SPDYE10: variants seen among roughly 807,000 people sequenced by gnomAD.
The protein encoded by SPDYE10 is speedy protein E10.
At chr7:73,138,145 T>C in the SPDYE10 span, among the ~76,000 whole-genome samples, 5 of 152,250 alleles carry the variant, frequency 3.3e-5, no homozygotes, top group Non-Finnish European at 7.3e-5. Flanking sequence ...GGGTAATCCA[T>C]TTAGGCCACT....
chr7:73,140,847 C>A, the SPDYE10 span, among the ~76,000 whole-genome samples: 1 of 149,190 alleles, frequency 6.7e-6, no homozygotes, highest in African/African-American at 2.5e-5. Flanking sequence ...TCTCGAACTC[C>A]TGACCTCAAG....
the SPDYE10 span, among the ~76,000 whole-genome samples, chr7:73,110,343 TTTTG>T: frequency 2.4e-5 from 3 of 124,352 alleles, no homozygotes; most frequent in Admixed American, 1.6e-4. Flanking sequence ...TGATTTTTGA[TTTTG>T]TTTTTCTTTA....
At chr7:73,117,021 A>C in the SPDYE10 span, among the ~76,000 whole-genome samples, 109 of 150,900 alleles carry the variant, frequency 7.2e-4, no homozygotes, top group South Asian at 0.023. Context: ...TCAGCCTCCC[A>C]AGTAGCTGAG....
chr7:73,130,246 G>A, the SPDYE10 span, among the ~76,000 whole-genome samples: 2 of 150,094 alleles, frequency 1.3e-5, no homozygotes, highest in African/African-American at 5.0e-5. Context: ...TTGAGCCCAA[G>A]AGTTCAAGAC....
the SPDYE10 span, among the ~76,000 whole-genome samples, chr7:73,113,775 C>G: frequency 8.6e-5 from 13 of 151,986 alleles, no homozygotes; most frequent in African/African-American, 3.2e-4. Context: ...ATGGCTCATG[C>G]CTGTAATCCC....
the SPDYE10 span, among the ~76,000 whole-genome samples, chr7:73,111,886 C>CT: frequency 1.5e-5 from 2 of 134,946 alleles, no homozygotes; most frequent in Non-Finnish European, 3.1e-5. Context: ...CTGTCTTAGC[C>CT]TCCCAAGTAG....
the SPDYE10 span, chr7:73,104,742 G>A: frequency 1.5e-5 from 2 of 135,548 alleles, no homozygotes; most frequent in Admixed American, 7.5e-5. Context: ...TTCTGGTGGG[G>A]AACTACCAAT....
At chr7:73,137,785 GGAAGGGGAGGGGAAGGAGAGGA>G in the SPDYE10 span, among the ~76,000 whole-genome samples, 193 of 14,792 alleles carry the variant, frequency 0.013, no homozygotes, top group Admixed American at 0.018. Context: ...GAAGGAGAGG[GGAAGGGGAGGGGAAGGAGAGGA>G]GAAGGGGAGG....
At chr7:73,131,812 G>A in the SPDYE10 span, among the ~76,000 whole-genome samples, 51 of 152,038 alleles carry the variant, frequency 3.4e-4, no homozygotes, top group Non-Finnish European at 6.6e-4. Context: ...TGGGATTACA[G>A]TCACGAGCCA....
chr7:73,142,696 G>C, the SPDYE10 span, among the ~76,000 whole-genome samples: 2 of 151,976 alleles, frequency 1.3e-5, no homozygotes, highest in Non-Finnish European at 2.9e-5. Context: ...CAGCACTTTG[G>C]GAAGCTGAGG....
chr7:73,117,710 A>ACTT, the SPDYE10 span, among the ~76,000 whole-genome samples: 1 of 147,934 alleles, frequency 6.8e-6, no homozygotes, highest in African/African-American at 2.6e-5. Flanking sequence ...ATGGGGGTTC[A>ACTT]CTGTACTCTT....
the SPDYE10 span, among the ~76,000 whole-genome samples, chr7:73,150,948 A>ATTTTTT: frequency 6.1e-4 from 3 of 4,940 alleles, no homozygotes; most frequent in East Asian, 0.016. Flanking sequence ...ATATATATAT[A>ATTTTTT]TTTTTTTTTT....
At chr7:73,127,375 AC>A in the SPDYE10 span, among the ~76,000 whole-genome samples, 1 of 103,020 alleles carries the variant, frequency 9.7e-6, no homozygotes, top group Admixed American at 9.7e-5. Flanking sequence ...ACATCATGAA[AC>A]CCTGCCTCTA....
the SPDYE10 span, among the ~76,000 whole-genome samples, chr7:73,123,788 C>CTCCCTCT: frequency 1.4e-4 from 14 of 97,458 alleles, no homozygotes; most frequent in South Asian, 1.6e-3. Context: ...TCTCTCTCTC[C>CTCCCTCT]CTCTCTCTCT....
At chr7:73,122,310 C>CAGTG in the SPDYE10 span, among the ~76,000 whole-genome samples, 244 of 140,362 alleles carry the variant, frequency 1.7e-3, no homozygotes, top group Admixed American at 0.014. Context: ...TAGCCCAGTG[C>CAGTG]AGTGGCTCAT....
the SPDYE10 span, among the ~76,000 whole-genome samples, chr7:73,127,650 A>AC: frequency 1.5e-5 from 2 of 129,738 alleles, no homozygotes; most frequent in African/African-American, 5.5e-5. Flanking sequence ...AAAAAAAAAA[A>AC]AAAAAACAGG....
At chr7:73,132,454 G>A in the SPDYE10 span, among the ~76,000 whole-genome samples, 4 of 152,304 alleles carry the variant, frequency 2.6e-5, no homozygotes, top group African/African-American at 9.6e-5. Context: ...GGCTGAGGCA[G>A]CAGGATCCCT....
At chr7:73,152,403 A>T in the SPDYE10 span, among the ~76,000 whole-genome samples, 1 of 135,966 alleles carries the variant, frequency 7.4e-6, no homozygotes. Flanking sequence ...TTTTTTTTTG[A>T]GATGGAGGCT....
At chr7:73,115,342 G>T in the SPDYE10 span, among the ~76,000 whole-genome samples, 15 of 152,092 alleles carry the variant, frequency 9.9e-5, no homozygotes, top group Non-Finnish European at 2.1e-4. Flanking sequence ...AACAAAACCT[G>T]TACAGAATCC....
Sources: allele counts gnomAD v4.1 joint callset (sites outside exome capture counted in the v4.1 genomes callset), GRCh38; gene constraint gnomAD v4.1.1; transcripts MANE v1.5; gene names NCBI Gene and HGNC (gene_info 2026-07-23, HGNC 2026-07-21).